The following KDM4B variants were observed in gnomAD, a reference collection of about 807,000 sequenced individuals.
The protein encoded by KDM4B is lysine-specific demethylase 4B.
In KDM4B, 32 loss-of-function variants were observed where a neutral mutation model predicts 125.2. The ratio of observed to expected loss-of-function variants is 0.26; its 90% CI spans 0.19 to 0.34. The LOEUF is 0.34. KDM4B is among the 10% of genes least tolerant of loss of function. The pLI, the probability that KDM4B is intolerant of heterozygous loss-of-function variation, is 1.00. For missense variants in KDM4B, 1,190 were observed against 1,577.7 expected, an observed-to-expected ratio of 0.75 and a Z score of 4.16; for synonymous variants, 721 against 677.9, an observed-to-expected ratio of 1.06 and a Z score of -0.99.
rs1390019049 is a variant in KDM4B at position 5,081,653 on chromosome 19, G to A, written c.781-714G>A. Among the ~76,000 whole-genome samples the A allele has an allele frequency of 1.3e-5, 2 of 152,194 alleles. No individual in the cohort carries two copies. The highest frequency in any genetic ancestry group is 2.9e-5 in the Non-Finnish European group (2 of 68,042). On this transcript the variant is annotated intron_variant, in intron 8 of 22. Transcript: ENST00000159111. This position sits in a 1 kb window ranked among gnomAD's most constrained non-coding sequence, Gnocchi z 4.2. ...TCTGGAAGCATTGGCCCGCTCTCCA[G>A]GGTGCTGATCTGTGGTGTCAGGTCA...
At chr19:5,019,775 G>A (rs2036036034) in intron 2 of KDM4B, among the ~76,000 whole-genome samples, 1 of 144,376 alleles carries the variant, frequency 6.9e-6, no homozygotes, top group Admixed American at 7.0e-5. Flanking sequence ...GTGGACAGTG[G>A]TGTGCAGGTG....
At chr19:4,989,432 G>A (rs974884823) in intron 1 of KDM4B, among the ~76,000 whole-genome samples, 3 of 152,050 alleles carry the variant, frequency 2.0e-5, no homozygotes, top group African/African-American at 7.3e-5. Flanking sequence ...CCGTCTCCCA[G>A]GTTCAAGCGA....
intron 9 of KDM4B, among the ~76,000 whole-genome samples, chr19:5,089,776 G>A (rs562949281): frequency 1.1e-4 from 17 of 151,454 alleles, no homozygotes; most frequent in Admixed American, 5.2e-4. Context: ...AGTGGGGTCC[G>A]CCATTCCTAG....
chr19:5,012,729 C>T (rs184601073), intron 1 of KDM4B, among the ~76,000 whole-genome samples: 36 of 152,318 alleles, frequency 2.4e-4, no homozygotes, highest in Admixed American at 1.9e-3. Flanking sequence ...CATCACATCC[C>T]GGTGAGCGTC....
intron 9 of KDM4B, among the ~76,000 whole-genome samples, chr19:5,087,482 C>T (rs1379286562): frequency 1.3e-5 from 2 of 152,224 alleles, no homozygotes; most frequent in African/African-American, 2.4e-5. Context: ...CCAGACATCA[C>T]CTGCAGCGTC....
chr19:4,973,806 C>G (rs1599328988), intron 1 of KDM4B, among the ~76,000 whole-genome samples: 1 of 147,002 alleles, frequency 6.8e-6, no homozygotes, highest in Non-Finnish European at 1.5e-5. Flanking sequence ...TAAAACTGCT[C>G]TCTGAAACAA....
chr19:5,082,036 C>A lies in KDM4B; in HGVS notation c.781-331C>A, dbSNP rs1427874593. On this transcript the variant is annotated intron_variant, in intron 8 of 22. Coordinates refer to ENST00000159111, the MANE Select transcript of KDM4B (RefSeq NM_015015.3). The surrounding 1 kb of genome is among the most constrained non-coding windows in gnomAD (Gnocchi z 5.4). ...GGAGACACCCCCACGGGCATTGTGT[C>A]CAGCCACGGCTCCATCTGCGGTTCT... 6.6e-6 allele frequency among the ~76,000 whole-genome samples: 1 copy of A among 152,196 alleles called. No individual in the cohort carries two copies. The highest frequency in any genetic ancestry group is 2.4e-5 in the African/African-American group (1 of 41,462).
intron 9 of KDM4B, among the ~76,000 whole-genome samples, chr19:5,095,634 T>A (rs972632300): frequency 1.3e-4 from 20 of 151,830 alleles, no homozygotes; most frequent in Non-Finnish European, 2.9e-5. Context: ...CGCAAGGGGC[T>A]GGCCAGGGCA....
chr19:4,993,108 T>C (rs1485256208), intron 1 of KDM4B, among the ~76,000 whole-genome samples: 1 of 152,136 alleles, frequency 6.6e-6, no homozygotes, highest in Non-Finnish European at 1.5e-5. Context: ...GTGTTATCTT[T>C]TATTGAAAGT....
intron 1 of KDM4B, among the ~76,000 whole-genome samples, chr19:4,999,683 A>G (rs1013051198): frequency 1.3e-5 from 2 of 151,778 alleles, no homozygotes; most frequent in African/African-American, 4.8e-5. Context: ...CCACCCACCC[A>G]TCCACCCATT....
At chr19:5,010,336 C>T (rs530660697) in intron 1 of KDM4B, among the ~76,000 whole-genome samples, 74 of 152,176 alleles carry the variant, frequency 4.9e-4, no homozygotes, top group Non-Finnish European at 8.2e-4. Context: ...TCAGGAGGTG[C>T]GTGTGGCTGA....
intron 1 of KDM4B, among the ~76,000 whole-genome samples, chr19:5,003,335 G>T (rs2035451485): frequency 6.6e-6 from 1 of 152,134 alleles, no homozygotes; most frequent in Non-Finnish European, 1.5e-5. Flanking sequence ...ATAAAAATTA[G>T]CTGGGTGTGG....
At position 5,111,334 on chromosome 19, in the gene KDM4B, C is replaced by T. The variant is rs377077529; in HGVS notation, c.1115+516C>T. On this transcript the variant is annotated intron_variant, in intron 10 of 22. Coordinates refer to ENST00000159111, the MANE Select transcript of KDM4B (RefSeq NM_015015.3). ...GATCGTGGAGAGGATTTCAGAAGGC[C>T]GGCCCCGGGGCGTGACCCTGGATGC... 1.8e-4 allele frequency: 136 copies of T among 744,326 alleles called. No homozygotes were observed. In the African/African-American group the frequency reaches 2.0e-3, roughly 11 times the overall value. The allele number at this position is 744,326 out of a possible 1,614,324, so 46.1% of individuals were successfully genotyped here.
At chr19:5,128,632 C>T (rs2039489706) in intron 11 of KDM4B, among the ~76,000 whole-genome samples, 1 of 152,220 alleles carries the variant, frequency 6.6e-6, no homozygotes, top group African/African-American at 2.4e-5. Context: ...CGTGCGGCCT[C>T]TGCAGCCTCC....
At chr19:5,143,493 G>A (rs1423765842) in intron 18 of KDM4B, among the ~76,000 whole-genome samples, 2 of 151,994 alleles carry the variant, frequency 1.3e-5, no homozygotes, top group African/African-American at 2.4e-5. Flanking sequence ...CTGTGCCCAC[G>A]AGCCCACTTC....
intron 2 of KDM4B, among the ~76,000 whole-genome samples, chr19:5,030,060 C>T (rs115176730): frequency 0.019 from 2,819 of 152,308 alleles, 92 homozygotes; most frequent in African/African-American, 0.065. Flanking sequence ...GCTTTCCAGA[C>T]GAGCCCCCGC....
rs150468833 is a variant in KDM4B, at chr19:5,077,082, G to A, written c.677-285G>A. 2.2e-3 allele frequency: 971 copies of A among 435,800 alleles called. 9 individuals carry two copies. The highest frequency in any genetic ancestry group is 0.018 in the African/African-American group (902 of 50,266). 27.0% of individuals were successfully genotyped at this position (435,800 alleles called of 1,614,324 possible). A position where few individuals can be genotyped will look rare whatever the true frequency, so the allele number is the denominator to read the frequency against. Reference sequence around the variant, plus strand: ...TGCTGCTGGGCAGAGACGAGACCAGGCATCTGCTCACATGGTCACTGCGCA... The same window carrying A: ...TGCTGCTGGGCAGAGACGAGACCAGACATCTGCTCACATGGTCACTGCGCA... On this transcript the variant is annotated intron_variant, in intron 7 of 22. Coordinates refer to ENST00000159111, the MANE Select transcript of KDM4B (RefSeq NM_015015.3).
chr19:5,130,997 T>C (rs956176042), intron 11 of KDM4B, 79 bp from the exon 12 acceptor site: 1 of 1,085,998 alleles, frequency 9.2e-7, no homozygotes, highest in South Asian at 1.8e-5. Context: ...CCAGTCAAAG[T>C]TGGGGGATTT....
intron 21 of KDM4B, among the ~76,000 whole-genome samples, chr19:5,147,958 A>G (rs2039880780): frequency 6.6e-6 from 1 of 152,122 alleles, no homozygotes; most frequent in Admixed American, 6.5e-5. Context: ...CCCCGAGGCC[A>G]AGGGCCTGGT....
Sources: gnomAD v4.1 joint callset for allele counts (sites outside exome capture counted in the v4.1 genomes callset) on GRCh38, gnomAD v4.1.1 for gene constraint, Gnocchi (gnomAD v3.1) non-coding constraint, MANE v1.5 for transcripts, NCBI Gene and HGNC (gene_info 2026-07-23, HGNC 2026-07-21) for gene names.